Variants in ADAMTSL1 observed in about 807,000 individuals in gnomAD.
ADAMTSL1 encodes ADAMTS like 1.
ADAMTSL1 carries 126 observed loss-of-function variants against 201.8 expected under a neutral mutation model. The observed-to-expected ratio is 0.62, with a 90% CI of 0.54 to 0.72. ADAMTSL1 has a LOEUF of 0.72. Among genes scored for constraint, ADAMTSL1 ranks in the 30% least tolerant of loss-of-function variants. ADAMTSL1 has a pLI of 0.00. For synonymous variants in ADAMTSL1, 1,121 were observed against 903.4 expected (o/e 1.24, Z -4.32); for missense variants, 2,679 against 2,277.8 (o/e 1.18, Z -3.59).
At chr9:18,197,173 A>G (rs185198899) in intron 2 of ADAMTSL1, among the ~76,000 whole-genome samples, 30 of 152,234 alleles carry the variant, frequency 2.0e-4, no homozygotes, top group East Asian at 9.7e-4. Context: ...AATGCCTTTA[A>G]AAGTACGGCT....
intron 19 of ADAMTSL1, among the ~76,000 whole-genome samples, chr9:18,787,658 A>G (rs72690565): frequency 0.17 from 25,464 of 152,214 alleles, 2,272 homozygotes; most frequent in Non-Finnish European, 0.2. Flanking sequence ...TGCAGGCATC[A>G]GGAGTAAGGA....
chr9:18,761,067 T>C (rs1399187017), intron 16 of ADAMTSL1, among the ~76,000 whole-genome samples: 1 of 152,192 alleles, frequency 6.6e-6, no homozygotes, highest in Non-Finnish European at 1.5e-5. Flanking sequence ...CAATAAATGT[T>C]TGGTGAAAGA....
intron 7 of ADAMTSL1, among the ~76,000 whole-genome samples, chr9:18,643,979 C>T (rs1827614398): frequency 2.0e-5 from 3 of 151,882 alleles, no homozygotes; most frequent in South Asian, 4.1e-4. Flanking sequence ...GTAGTACGGA[C>T]ATTTAACAAT....
intron 13 of ADAMTSL1, among the ~76,000 whole-genome samples, chr9:18,697,164 G>C (rs1831612063): frequency 6.6e-6 from 1 of 151,992 alleles, no homozygotes; most frequent in Non-Finnish European, 1.5e-5. Flanking sequence ...TTACAGGTGT[G>C]AGCCACCGTG....
chr9:18,182,097 A>G lies in ADAMTSL1; in HGVS notation c.207+18116A>G, dbSNP rs187522974. Among the ~76,000 whole-genome samples, 319 of 138,554 alleles carry G rather than the reference A, an allele frequency of 2.3e-3. 2 individuals carry two copies. Among genetic ancestry groups the G allele is most frequent in the African/African-American group, 7.4e-3 (278 of 37,540 alleles). The allele number at this position is 138,554 out of a possible 152,430, so 90.9% of individuals were successfully genotyped here. On this transcript the variant is annotated intron_variant, in intron 2 of 29. Coordinates refer to the ADAMTSL1 transcript ENST00000680146. ...GGTGGGAATTGAGCTATGAGAACTC[A>G]TGGACACAGGAAGGGGAACATCACA...
intron 1 of ADAMTSL1, among the ~76,000 whole-genome samples, chr9:18,136,904 G>A (rs935770464): frequency 7.9e-5 from 12 of 152,102 alleles, no homozygotes; most frequent in East Asian, 1.9e-4. Context: ...CTTAAAGAAG[G>A]CAAAATTGTA....
At chr9:18,567,121 G>A (rs566036404) in intron 3 of ADAMTSL1, among the ~76,000 whole-genome samples, 9 of 152,088 alleles carry the variant, frequency 5.9e-5, no homozygotes, top group Non-Finnish European at 1.2e-4. Context: ...TTTTAAAAAG[G>A]CCTTCAGGTG....
chr9:18,248,666 G>A (rs1045996288), intron 2 of ADAMTSL1, among the ~76,000 whole-genome samples: 4 of 152,116 alleles, frequency 2.6e-5, no homozygotes, highest in East Asian at 1.9e-4. Context: ...TCCACGTGCC[G>A]TTCATTCAGT....
At chr9:18,183,257 A>C (rs1372163126) in intron 2 of ADAMTSL1, among the ~76,000 whole-genome samples, 8 of 152,234 alleles carry the variant, frequency 5.3e-5, no homozygotes, top group African/African-American at 1.7e-4. Context: ...CCTAAACAGA[A>C]ACACAAAACT....
chr9:18,147,223 G>T (rs1323974780), intron 1 of ADAMTSL1, among the ~76,000 whole-genome samples: 2 of 152,066 alleles, frequency 1.3e-5, no homozygotes, highest in Admixed American at 1.3e-4. Flanking sequence ...GTGAGGATTT[G>T]ATTCTAGCTA....
intron 13 of ADAMTSL1, among the ~76,000 whole-genome samples, chr9:18,698,885 T>C (rs79564273): frequency 0.02 from 3,106 of 152,260 alleles, 39 homozygotes; most frequent in Non-Finnish European, 0.033. Flanking sequence ...AAAAGCAGCC[T>C]CCTGATGGTC....
chr9:18,675,269 C>T (rs1830071260), intron 9 of ADAMTSL1, among the ~76,000 whole-genome samples: 1 of 152,126 alleles, frequency 6.6e-6, no homozygotes, highest in Admixed American at 6.5e-5. Flanking sequence ...TAATAGTTGC[C>T]TACTATGTTC....
intron 2 of ADAMTSL1, among the ~76,000 whole-genome samples, chr9:18,455,638 C>G (rs942141578): frequency 1.4e-4 from 22 of 152,194 alleles, no homozygotes; most frequent in African/African-American, 5.1e-4. Context: ...CTTCTTCAGA[C>G]CAAAGTGCTC....
At chr9:18,533,114 A>G in intron 2 of ADAMTSL1, 133 bp from the exon 3 acceptor site, 1 of 574,686 alleles carries the variant, frequency 1.7e-6, no homozygotes, top group Admixed American at 3.4e-5. Flanking sequence ...TTAATAGTAA[A>G]CCCTCTAAGA....
intron 2 of ADAMTSL1, among the ~76,000 whole-genome samples, chr9:18,440,236 C>G (rs75771277): frequency 6.6e-6 from 1 of 152,104 alleles, no homozygotes; most frequent in African/African-American, 2.4e-5. Context: ...GAAACACACA[C>G]TAGAACCAGA....
intron 14 of ADAMTSL1, among the ~76,000 whole-genome samples, chr9:18,714,446 C>T (rs1326189913): frequency 2.0e-5 from 3 of 152,036 alleles, no homozygotes; most frequent in Non-Finnish European, 4.4e-5. Flanking sequence ...TACAAAGTAC[C>T]ATCAGAGAAT....
chr9:18,137,327 TATC>T (rs1448039933), intron 1 of ADAMTSL1, among the ~76,000 whole-genome samples: 1 of 152,184 alleles, frequency 6.6e-6, no homozygotes, highest in African/African-American at 2.4e-5. Context: ...TTATAATACA[TATC>T]ATAGAAAGAA....
At chr9:18,508,871 A>G (rs1019760509) in intron 2 of ADAMTSL1, among the ~76,000 whole-genome samples, 6 of 152,134 alleles carry the variant, frequency 3.9e-5, no homozygotes, top group African/African-American at 1.4e-4. Flanking sequence ...TGGATTTAGA[A>G]TGTATTTTGA....
chr9:18,391,873 G>A (rs1838064034), intron 2 of ADAMTSL1, among the ~76,000 whole-genome samples: 1 of 128,560 alleles, frequency 7.8e-6, no homozygotes, highest in African/African-American at 2.9e-5. Flanking sequence ...AGCCCAGCCT[G>A]GAGTGCAGTG....
Sources: allele counts gnomAD v4.1 joint callset (sites outside exome capture counted in the v4.1 genomes callset), GRCh38; gene constraint gnomAD v4.1.1; transcripts MANE v1.5; gene names NCBI Gene and HGNC (gene_info 2026-07-23, HGNC 2026-07-21).